Variants in UGT1A7 observed in about 807,000 individuals in gnomAD.
UGT1A7 encodes UDP glucuronosyltransferase family 1 member A7, also known as UDP-glucuronosyltransferase 1A7.
In UGT1A7, 33 loss-of-function variants were observed where a neutral mutation model predicts 45.6. The observed-to-expected ratio is 0.72, with a 90% CI of 0.55 to 0.97. UGT1A7 has a LOEUF of 0.97. Ranked by LOEUF, UGT1A7 falls within the 50% of genes least tolerant of loss-of-function variation. UGT1A7 has a pLI of 0.00. For missense variants in UGT1A7, 684 were observed against 666.2 expected (o/e 1.03, Z -0.29); for synonymous variants, 274 against 250.6 (o/e 1.09, Z -0.88).
At chr2:233,693,920 C>G in intron 1 of UGT1A7, 1 of 1,611,066 alleles carries the variant, frequency 6.2e-7, no homozygotes, top group Non-Finnish European at 8.5e-7. Context: ...TCTGTCCTCC[C>G]TCACTCATTT....
rs779317114 is a variant in UGT1A7, at chr2:233,682,573, G to A, written c.636G>A (p.Met212Ile). Residue 212 changes from methionine to isoleucine, a missense_variant, in exon 1 of 5, where the codon ATG (methionine) becomes ATA (isoleucine). Coordinates refer to ENST00000373426, the MANE Select transcript of UGT1A7 (RefSeq NM_019077.3). The part of the protein sequence containing the change: ...TFKERVWNHI[M>I]HLEEHLFCPY... ...AGGAGAGAGTATGGAACCACATCAT[G>A]CACTTGGAGGAACATTTATTTTGCC... 6.2e-7 allele frequency: 1 copy of A among 1,613,908 alleles called. No individual in the cohort carries two copies. Among genetic ancestry groups the A allele is most frequent in the Non-Finnish European group, 8.5e-7 (1 of 1,179,842 alleles).
intron 1 of UGT1A7, among the ~76,000 whole-genome samples, chr2:233,702,899 G>T (rs1390474753): frequency 6.6e-6 from 1 of 152,144 alleles, no homozygotes; most frequent in East Asian, 1.9e-4. Flanking sequence ...ATCCATAAGA[G>T]ATATTGGAAG....
chr2:233,738,397 G>A (rs1161112118), intron 1 of UGT1A7, among the ~76,000 whole-genome samples: 2 of 152,236 alleles, frequency 1.3e-5, no homozygotes, highest in Non-Finnish European at 2.9e-5. Context: ...AAGTGACTTG[G>A]AACTGGGTAA....
At position 233,682,126 on chromosome 2, in the gene UGT1A7, T is replaced by G; in HGVS notation, c.189T>G (p.Ser63Arg). The change falls in exon 1 of 5, where the codon AGT becomes AGG. Residue 63 changes from serine (S) to arginine (R), a missense_variant. By Grantham distance (110) the Ser-to-Arg change is moderately radical. Coordinates refer to ENST00000373426, the MANE Select transcript of UGT1A7 (RefSeq NM_019077.3). ...HEVVVVMPEV[S>R]WQLGRSLNCT... ...TGGTCGTAGTCATGCCAGAGGTGAG[T>G]TGGCAACTGGGAAGATCACTGAATT... 1.2e-6 allele frequency: 2 copies of G among 1,614,070 alleles called. No homozygotes were observed. The highest frequency in any genetic ancestry group is 1.7e-6 in the Non-Finnish European group (2 of 1,179,998).
intron 1 of UGT1A7, among the ~76,000 whole-genome samples, chr2:233,748,437 T>C (rs1194940254): frequency 2.6e-5 from 4 of 151,838 alleles, no homozygotes; most frequent in African/African-American, 9.7e-5. Flanking sequence ...GATTTTTTGT[T>C]TGCACAATTT....
chr2:233,719,807 T>C, intron 1 of UGT1A7: 1 of 1,593,892 alleles, frequency 6.3e-7, no homozygotes, highest in Non-Finnish European at 8.5e-7. Context: ...TTGGCTTCTT[T>C]ATAACAGATA....
chr2:233,700,726 TTTA>T lies in UGT1A7; in HGVS notation c.855+17945_855+17947del, dbSNP rs904006710. ...AATGTTTTTTTCTTTTTTTAAAAAT[TTTA>T]TTATTATTATACTTTAAGTTTTAGG... On this transcript the variant is annotated intron_variant, in intron 1 of 4. Coordinates refer to ENST00000373426, the MANE Select transcript of UGT1A7 (RefSeq NM_019077.3). Among the ~76,000 whole-genome samples the T allele has an allele frequency of 5.9e-5, 9 of 152,186 alleles. No individual in the cohort carries two copies. In the South Asian group the frequency reaches 6.2e-4, roughly 11 times the overall value.
chr2:233,712,580 A>G (rs1406304972), intron 1 of UGT1A7, among the ~76,000 whole-genome samples: 1 of 152,234 alleles, frequency 6.6e-6, no homozygotes, highest in Non-Finnish European at 1.5e-5. Flanking sequence ...GGTCACATCC[A>G]GCAGAGACCA....
chr2:233,738,530 G>A (rs1226975410), intron 1 of UGT1A7, among the ~76,000 whole-genome samples: 4 of 152,208 alleles, frequency 2.6e-5, no homozygotes, highest in African/African-American at 9.6e-5. Flanking sequence ...GGACAATGAA[G>A]TCCAGGCTGA....
intron 1 of UGT1A7, among the ~76,000 whole-genome samples, chr2:233,707,023 C>G (rs892519669): frequency 1.1e-4 from 16 of 152,136 alleles, no homozygotes; most frequent in African/African-American, 3.6e-4. Flanking sequence ...CATGGTCAGC[C>G]AGCCCCCAAG....
intron 1 of UGT1A7, chr2:233,693,337 G>T: frequency 6.2e-7 from 1 of 1,614,218 alleles, no homozygotes; most frequent in Non-Finnish European, 8.5e-7. Context: ...CTCAGACAGA[G>T]TACAGGAATA....
chr2:233,686,136 A>C (rs571767710), intron 1 of UGT1A7, among the ~76,000 whole-genome samples: 1 of 152,306 alleles, frequency 6.6e-6, no homozygotes, highest in East Asian at 1.9e-4. Context: ...TCATATATAA[A>C]AATTAACTTG....
At position 233,769,420 on chromosome 2, in the gene UGT1A7, T is replaced by C; in HGVS notation, c.1295+981T>C. 1 of 1,459,970 alleles carries C rather than the reference T, an allele frequency of 6.8e-7. No homozygotes were observed. The highest frequency in any genetic ancestry group is 1.8e-4 in the Middle Eastern group (1 of 5,568). 90.4% of individuals were successfully genotyped at this position (1,459,970 alleles called of 1,614,324 possible). ...GCATATGTGCGTGTGCGTTTGTGCA[T>C]GTGGCTGTGCTCATGTGTGGGTGCA... is the stretch of plus-strand genomic sequence containing the variant. On this transcript the variant is annotated intron_variant, in intron 4 of 4. Coordinates refer to ENST00000373426, the MANE Select transcript of UGT1A7 (RefSeq NM_019077.3). This position sits in a 1 kb window ranked among gnomAD's most constrained non-coding sequence, Gnocchi z 4.4.
intron 1 of UGT1A7, among the ~76,000 whole-genome samples, chr2:233,731,421 G>A (rs1039281599): frequency 6.6e-6 from 1 of 151,738 alleles, no homozygotes; most frequent in Non-Finnish European, 1.5e-5. Flanking sequence ...TTTTCCTAAT[G>A]CCATCCCTCC....
At chr2:233,707,968 C>T (rs2075997413) in intron 1 of UGT1A7, among the ~76,000 whole-genome samples, 2 of 152,302 alleles carry the variant, frequency 1.3e-5, no homozygotes, top group Admixed American at 1.3e-4. Flanking sequence ...CCATTCAAGT[C>T]TATTGCCCAC....
chr2:233,694,249 C>T (rs1192923893), intron 1 of UGT1A7, among the ~76,000 whole-genome samples: 2 of 151,962 alleles, frequency 1.3e-5, no homozygotes, highest in African/African-American at 2.4e-5. Flanking sequence ...GACCTTGAGC[C>T]AGGGACCAGC....
At chr2:233,718,999 T>G in intron 1 of UGT1A7, 2 of 1,614,228 alleles carry the variant, frequency 1.2e-6, no homozygotes, top group Non-Finnish European at 1.7e-6. Context: ...CAGGCGGTGG[T>G]CCTCACCCCA....
intron 1 of UGT1A7, among the ~76,000 whole-genome samples, chr2:233,684,502 T>G (rs2125529215): frequency 6.6e-6 from 1 of 152,288 alleles, no homozygotes; most frequent in African/African-American, 2.4e-5. Flanking sequence ...CAAAGGGATT[T>G]AGAGATGTAG....
At chr2:233,753,773 C>G (rs1417094785) in intron 1 of UGT1A7, 1 of 152,234 alleles carries the variant, frequency 6.6e-6, no homozygotes, top group East Asian at 1.9e-4. Flanking sequence ...TTTGGAAACG[C>G]TTTTCTTTAC....
Sources: gnomAD v4.1 joint callset for allele counts (sites outside exome capture counted in the v4.1 genomes callset) on GRCh38, gnomAD v4.1.1 for gene constraint, Gnocchi (gnomAD v3.1) non-coding constraint, MANE v1.5 for transcripts, NCBI Gene and HGNC (gene_info 2026-07-23, HGNC 2026-07-21) for gene names.